Variants in DIAPH3 observed in about 807,000 individuals in gnomAD.
DIAPH3 encodes protein diaphanous homolog 3.
DIAPH3 carries 117 observed loss-of-function variants against 144.3 expected under a neutral mutation model. The ratio of observed to expected loss-of-function variants is 0.81; its 90% CI spans 0.70 to 0.95. The LOEUF is 0.95. Among genes scored for constraint, DIAPH3 ranks in the 40% least tolerant of loss-of-function variants. The probability of loss-of-function intolerance (pLI) is 0.00; values close to 1 mark genes in which losing one functional copy is unlikely to be tolerated. For synonymous variants in DIAPH3, 519 were observed against 488.9 expected (o/e 1.06, Z -0.81); for missense variants, 1,421 against 1,412.7 (o/e 1.01, Z -0.09).
chr13:60,097,943 G>C (rs886915926), intron 3 of DIAPH3, among the ~76,000 whole-genome samples: 1 of 152,040 alleles, frequency 6.6e-6, no homozygotes. Context: ...TTAACTTCTG[G>C]GGGTCACGAA....
At chr13:59,907,926 A>G (rs1475993322) in intron 20 of DIAPH3, among the ~76,000 whole-genome samples, 3 of 152,230 alleles carry the variant, frequency 2.0e-5, no homozygotes, top group African/African-American at 7.2e-5. Context: ...AGAAAATGTG[A>G]AAAATTAGGC....
At chr13:60,113,112 A>T (rs933981893) in intron 2 of DIAPH3, among the ~76,000 whole-genome samples, 3 of 152,210 alleles carry the variant, frequency 2.0e-5, no homozygotes, top group Non-Finnish European at 4.4e-5. Flanking sequence ...CGTATACTGT[A>T]TATAAACCTG....
chr13:59,916,838 A>C (rs916709377), intron 18 of DIAPH3, among the ~76,000 whole-genome samples: 1 of 152,162 alleles, frequency 6.6e-6, no homozygotes, highest in Non-Finnish European at 1.5e-5. Flanking sequence ...TTAGAAAACA[A>C]ATTCTCACTG....
intron 22 of DIAPH3, among the ~76,000 whole-genome samples, chr13:59,853,912 G>C (rs545235980): frequency 6.6e-6 from 1 of 152,268 alleles, no homozygotes; most frequent in African/African-American, 2.4e-5. Flanking sequence ...TCTCCATGCA[G>C]TTATAGGACT....
rs944502181 is a variant in DIAPH3, at chr13:60,081,337, T to C, written c.495+12291A>G. On this transcript the variant is annotated intron_variant, in intron 4 of 27. Coordinates refer to ENST00000400324, the MANE Select transcript of DIAPH3 (RefSeq NM_001042517.2). ...AAGAGGTTTAATGAAAGTTTATGGA[T>C]GAAATAACAGCAAAACCAAGAGCTA... 3.3e-5 allele frequency among the ~76,000 whole-genome samples: 5 copies of C among 152,014 alleles called. No individual in the cohort carries two copies. The East Asian group carries it at 9.6e-4, about 29-fold the overall frequency.
At chr13:59,926,622 C>T (rs1361616532) in intron 17 of DIAPH3, among the ~76,000 whole-genome samples, 2 of 152,052 alleles carry the variant, frequency 1.3e-5, no homozygotes, top group Non-Finnish European at 2.9e-5. Flanking sequence ...GTATAATTTC[C>T]ATATTATTTG....
At chr13:60,152,354 C>T (rs1255512540) in intron 1 of DIAPH3, among the ~76,000 whole-genome samples, 1 of 151,934 alleles carries the variant, frequency 6.6e-6, no homozygotes, top group Non-Finnish European at 1.5e-5. Context: ...ACAGAATGAC[C>T]TCACACTTGG....
In DIAPH3 at chr13:60,042,737, G is replaced by A; in HGVS notation, c.579C>T (p.Val193=). 6.2e-7 allele frequency: 1 copy of A among 1,613,760 alleles called. No homozygotes were observed. The highest frequency in any genetic ancestry group is 8.5e-7 in the Non-Finnish European group (1 of 1,179,788). The change falls in exon 5 of 28, where the codon GTC becomes GTT. Residue 193 remains valine, a synonymous_variant. Coordinates refer to ENST00000400324, the MANE Select transcript of DIAPH3 (RefSeq NM_001042517.2). ...LKMGSADERL[V]TCLESLRVSL... ...ACACTCGGAGAGACTCCAGGCATGTGACAAGTCTCTCATCTGCAGACCCCA... is the reference window on the plus strand; with the variant it reads ...ACACTCGGAGAGACTCCAGGCATGTAACAAGTCTCTCATCTGCAGACCCCA...
chr13:60,026,741 T>C (rs528269639), intron 5 of DIAPH3, among the ~76,000 whole-genome samples: 5 of 152,166 alleles, frequency 3.3e-5, no homozygotes, highest in Admixed American at 2.0e-4. Flanking sequence ...TCTCTCTCTC[T>C]CCTCCAAGAA....
Position 59,736,495 on chromosome 13 carries a change from G to A in DIAPH3, c.3319+37694C>T, listed in dbSNP as rs77180884. Among the ~76,000 whole-genome samples the A allele has an allele frequency of 2.4e-3, 372 of 152,152 alleles. 1 individual carries two copies. Among genetic ancestry groups the A allele is most frequent in the African/African-American group, 8.4e-3 (347 of 41,522 alleles). On this transcript the variant is annotated intron_variant, in intron 27 of 27. Coordinates refer to ENST00000400324, the MANE Select transcript of DIAPH3 (RefSeq NM_001042517.2). ...TAATAGCTATTCTGACTGGCGTGAG[G>A]TAGTACCTCACTGTCGTTTTGAGAC...
chr13:60,125,980 G>C (rs1251511478), intron 2 of DIAPH3, among the ~76,000 whole-genome samples: 1 of 152,138 alleles, frequency 6.6e-6, no homozygotes, highest in Non-Finnish European at 1.5e-5. Context: ...AAAGTAAAGG[G>C]TTTAACTTAG....
At chr13:60,138,926 G>T (rs2059364735) in intron 1 of DIAPH3, among the ~76,000 whole-genome samples, 1 of 151,964 alleles carries the variant, frequency 6.6e-6, no homozygotes, top group South Asian at 2.1e-4. Flanking sequence ...TTGAGATGTT[G>T]CTCACATTTT....
chr13:59,853,123 T>C (rs1231830533), intron 22 of DIAPH3, among the ~76,000 whole-genome samples: 1 of 152,206 alleles, frequency 6.6e-6, no homozygotes, highest in East Asian at 1.9e-4. Flanking sequence ...ATTATACCTA[T>C]AACAAGCTGG....
intron 21 of DIAPH3, among the ~76,000 whole-genome samples, chr13:59,878,652 C>T (rs1171446942): frequency 1.3e-5 from 2 of 151,862 alleles, no homozygotes; most frequent in African/African-American, 4.8e-5. Context: ...ATGAAAGACA[C>T]AGGAGAAAAA....
chr13:59,861,567 G>C, intron 21 of DIAPH3, 31 bp from the exon 22 acceptor site: 2 of 1,599,526 alleles, frequency 1.3e-6, no homozygotes, highest in African/African-American at 1.3e-5. Flanking sequence ...AAAAAACACA[G>C]AGTCATAAGT....
chr13:60,000,302 A>T (rs2052444562), intron 9 of DIAPH3, among the ~76,000 whole-genome samples: 1 of 152,162 alleles, frequency 6.6e-6, no homozygotes, highest in African/African-American at 2.4e-5. Flanking sequence ...ACCATAGCTT[A>T]AGAAGCCTGA....
At chr13:60,126,568 A>G (rs1182632716) in intron 2 of DIAPH3, among the ~76,000 whole-genome samples, 1 of 152,200 alleles carries the variant, frequency 6.6e-6, no homozygotes, top group Non-Finnish European at 1.5e-5. Context: ...GAAAATTAAC[A>G]AGAATACAGA....
intron 13 of DIAPH3, 33 bp from the exon 14 acceptor site, chr13:59,980,892 GA>G (rs1253755423): frequency 6.4e-7 from 1 of 1,572,160 alleles, no homozygotes; most frequent in African/African-American, 1.4e-5. Flanking sequence ...TTTTTAATGT[GA>G]AACTTCTTAA....
At chr13:60,092,873 C>T (rs901405456) in intron 4 of DIAPH3, among the ~76,000 whole-genome samples, 1 of 152,038 alleles carries the variant, frequency 6.6e-6, no homozygotes, top group Non-Finnish European at 1.5e-5. Flanking sequence ...GTTAAAATAC[C>T]CAAGGAAAAC....
Sources: allele counts gnomAD v4.1 joint callset (sites outside exome capture counted in the v4.1 genomes callset), GRCh38; gene constraint gnomAD v4.1.1; transcripts MANE v1.5; gene names NCBI Gene and HGNC (gene_info 2026-07-23, HGNC 2026-07-21).